Variants in MAN2A1 observed in about 807,000 individuals in gnomAD.
MAN2A1 encodes alpha-mannosidase 2.
Under a neutral mutation model 142.6 loss-of-function variants are expected in MAN2A1, and 76 were observed. The observed-to-expected ratio is 0.53, with a 90% CI of 0.44 to 0.65. The LOEUF is 0.65. MAN2A1 is among the 30% of genes least tolerant of loss of function. MAN2A1 has a pLI of 0.00. For synonymous variants in MAN2A1, 559 were observed against 473.2 expected (o/e 1.18, Z -2.35); for missense variants, 1,311 against 1,365.1 (o/e 0.96, Z 0.62).
Position 109,819,720 on chromosome 5 carries a change from T to C in MAN2A1, c.2161T>C (p.Leu721=), listed in dbSNP as rs1754570882. 6.2e-7 allele frequency: 1 copy of C among 1,612,516 alleles called. No homozygotes were observed. Among genetic ancestry groups the C allele is most frequent in the African/African-American group, 1.3e-5 (1 of 74,868 alleles). Residue 721 remains leucine (L), a synonymous_variant, in exon 14 of 22, where the codon TTG becomes CTG. Coordinates refer to ENST00000261483, the MANE Select transcript of MAN2A1 (RefSeq NM_002372.4). ...ATTGGGACTGAAAGTGTATAAGATT[T>C]TGGAATCAGCAAGTTCAAATTCACA... The part of the protein sequence containing the change: ...PPLGLKVYKI[L]ESASSNSHLA...
chr5:109,864,048 A>G (rs562115975), intron 20 of MAN2A1: 1 of 152,210 alleles, frequency 6.6e-6, no homozygotes, highest in Non-Finnish European at 1.5e-5. Context: ...TTCAGGAAAG[A>G]TGTCTCTTTA....
At chr5:109,767,443 C>G (rs755672997) in intron 5 of MAN2A1, 92 bp from the exon 6 acceptor site, 27 of 1,005,528 alleles carry the variant, frequency 2.7e-5, no homozygotes, top group Non-Finnish European at 3.7e-5. Flanking sequence ...CTCTAGGAGA[C>G]TATACAATGA....
At position 109,842,502 on chromosome 5, in the gene MAN2A1, G is replaced by A. The variant is rs115826059; in HGVS notation, c.2700+41G>A. The A allele has an allele frequency of 5.1e-4, 696 of 1,371,168 alleles. 5 individuals carry two copies. In the African/African-American group the frequency reaches 9.2e-3, roughly 18 times the overall value. 84.9% of individuals were successfully genotyped at this position (1,371,168 alleles called of 1,614,324 possible). On this transcript the variant is annotated intron_variant, in intron 17 of 21. Coordinates refer to ENST00000261483, the MANE Select transcript of MAN2A1 (RefSeq NM_002372.4). ...AAATGTTTAAGTAATGGTTGTATTGGTGTGTAATTCTTATATATAACAATG... is the reference window on the plus strand; with the variant it reads ...AAATGTTTAAGTAATGGTTGTATTGATGTGTAATTCTTATATATAACAATG...
At chr5:109,829,189 T>C (rs545850882) in intron 16 of MAN2A1, among the ~76,000 whole-genome samples, 116 of 152,334 alleles carry the variant, frequency 7.6e-4, no homozygotes, top group African/African-American at 2.7e-3. Flanking sequence ...AGTCTACTTA[T>C]ATTATTAAGT....
At chr5:109,696,807 CA>C (rs1230378205) in intron 1 of MAN2A1, among the ~76,000 whole-genome samples, 1 of 152,170 alleles carries the variant, frequency 6.6e-6, no homozygotes, top group African/African-American at 2.4e-5. Context: ...AAGGATTGAT[CA>C]AAAGGCCGAA....
At chr5:109,833,000 G>A (rs1044473714) in intron 16 of MAN2A1, among the ~76,000 whole-genome samples, 4 of 151,148 alleles carry the variant, frequency 2.6e-5, no homozygotes, top group Admixed American at 6.6e-5. Context: ...ATGGGGTCAC[G>A]GCCGGGCAGA....
chr5:109,701,667 C>T (rs1157840557), intron 1 of MAN2A1, among the ~76,000 whole-genome samples: 1 of 152,162 alleles, frequency 6.6e-6, no homozygotes, highest in East Asian at 1.9e-4. Context: ...GTAATATAGA[C>T]ATAAGGCAGT....
chr5:109,720,740 C>T (rs1293373032), intron 3 of MAN2A1, among the ~76,000 whole-genome samples: 1 of 152,148 alleles, frequency 6.6e-6, no homozygotes, highest in African/African-American at 2.4e-5. Flanking sequence ...TGTTGAGATG[C>T]ATTCAAAGCC....
intron 4 of MAN2A1, among the ~76,000 whole-genome samples, chr5:109,734,863 G>C (rs1199987052): frequency 6.6e-6 from 1 of 152,214 alleles, no homozygotes; most frequent in East Asian, 1.9e-4. Context: ...TTGGGGTGGA[G>C]AGTTCTGTAG....
At chr5:109,819,581 G>A in intron 13 of MAN2A1, 88 bp from the exon 14 acceptor site, 1 of 726,510 alleles carries the variant, frequency 1.4e-6, no homozygotes, top group Non-Finnish European at 2.1e-6. Flanking sequence ...AAATATGATA[G>A]TTTGTTGGTT....
At chr5:109,715,292 T>C (rs1751420749) in intron 2 of MAN2A1, among the ~76,000 whole-genome samples, 1 of 151,404 alleles carries the variant, frequency 6.6e-6, no homozygotes, top group Non-Finnish European at 1.5e-5. Flanking sequence ...GTTTGGCCTT[T>C]AAATTTTTTT....
intron 3 of MAN2A1, among the ~76,000 whole-genome samples, chr5:109,726,936 A>G (rs1217130401): frequency 2.0e-5 from 3 of 152,242 alleles, no homozygotes; most frequent in Non-Finnish European, 4.4e-5. Flanking sequence ...GATAATTCTA[A>G]TAGAACCATT....
At chr5:109,780,306 G>A (rs1174825667) in intron 8 of MAN2A1, among the ~76,000 whole-genome samples, 3 of 151,876 alleles carry the variant, frequency 2.0e-5, no homozygotes, top group African/African-American at 4.8e-5. Context: ...TGATCCACCC[G>A]CCTCAGCTTC....
chr5:109,836,759 T>C (rs2112749865), intron 16 of MAN2A1, among the ~76,000 whole-genome samples: 1 of 152,308 alleles, frequency 6.6e-6, no homozygotes, highest in Admixed American at 6.5e-5. Flanking sequence ...CTCTTCTGAC[T>C]TCACACATTA....
rs141774049 is a variant in MAN2A1, at chr5:109,807,365, T to G, written c.1944-9908T>G. Among the ~76,000 whole-genome samples the G allele has an allele frequency of 1.4e-4, 22 of 152,332 alleles. 1 individual carries two copies. The highest frequency in any genetic ancestry group is 1.4e-3 in the Admixed American group (21 of 15,294). ...GTTTCCTGTTGCTGCTATAATAAAT[T>G]ACCAACAAACTTAATTCTACTAAAA... On this transcript the variant is annotated intron_variant, in intron 12 of 21. Transcript: ENST00000261483.
At chr5:109,743,688 CTT>C (rs1312330269) in intron 4 of MAN2A1, among the ~76,000 whole-genome samples, 2 of 152,186 alleles carry the variant, frequency 1.3e-5, no homozygotes, top group Non-Finnish European at 2.9e-5. Context: ...CTCCATTGCT[CTT>C]GTCTCGTACT....
chr5:109,833,078 C>T (rs955501922), intron 16 of MAN2A1, among the ~76,000 whole-genome samples: 5 of 151,106 alleles, frequency 3.3e-5, no homozygotes, highest in Non-Finnish European at 5.9e-5. Context: ...CGATGGGTGG[C>T]GGGGCAGAGG....
At chr5:109,828,983 G>A (rs570621938) in intron 16 of MAN2A1, among the ~76,000 whole-genome samples, 13 of 152,226 alleles carry the variant, frequency 8.5e-5, no homozygotes, top group African/African-American at 3.1e-4. Flanking sequence ...ATCAAAATGA[G>A]CTTCATCTAG....
chr5:109,788,871 CTG>C, intron 10 of MAN2A1, 61 bp from the exon 11 acceptor site: 1 of 767,528 alleles, frequency 1.3e-6, no homozygotes, highest in Non-Finnish European at 2.3e-6. Context: ...AGTAATGAAA[CTG>C]AAAATATTGT....
Sources: gnomAD v4.1 joint callset for allele counts (sites outside exome capture counted in the v4.1 genomes callset) on GRCh38, gnomAD v4.1.1 for gene constraint, MANE v1.5 for transcripts, NCBI Gene and HGNC (gene_info 2026-07-23, HGNC 2026-07-21) for gene names.